Variants in PAQR3 observed in about 807,000 individuals in gnomAD.
The protein encoded by PAQR3 is Raf kinase trapping to Golgi.
PAQR3 carries 39 observed loss-of-function variants against 41.7 expected under a neutral mutation model. That is an observed-to-expected ratio of 0.93 (90% confidence interval 0.72 to 1.22). The LOEUF (loss-of-function observed/expected upper bound fraction) is 1.22. Among genes scored for constraint, PAQR3 ranks in the 50% most tolerant of loss-of-function variants. The pLI, the probability that PAQR3 is intolerant of heterozygous loss-of-function variation, is 0.00. For missense variants in PAQR3, 366 were observed against 385.6 expected (o/e 0.95, Z 0.42); for synonymous variants, 140 against 140.6 (o/e 1.00, Z 0.03).
At chr4:78,938,943 G>A in intron 1 of PAQR3, 97 bp downstream of exon 1, 1 of 1,214,172 alleles carries the variant, frequency 8.2e-7, no homozygotes, top group South Asian at 1.5e-5. Flanking sequence ...AGGAAATGAT[G>A]GGCAAGCAGA....
chr4:78,923,952 A>C lies in PAQR3; in HGVS notation c.703-5T>G, dbSNP rs1735929326. The C allele has an allele frequency of 6.2e-7, 1 of 1,604,276 alleles. No individual in the cohort carries two copies. The highest frequency in any genetic ancestry group is 1.3e-5 in the African/African-American group (1 of 74,680). On this transcript the variant is annotated splice_region_variant and splice_polypyrimidine_tract_variant and intron_variant, in intron 4 of 5. Coordinates refer to ENST00000512733, the MANE Select transcript of PAQR3 (RefSeq NM_001040202.2). ...AATTACACGGGGTGCAAAGTCCTGA[A>C]AAGCAGAACATGTTTTTTTACAGAT...
intron 4 of PAQR3, among the ~76,000 whole-genome samples, 189 bp from the exon 5 acceptor site, chr4:78,924,136 C>T (rs141818416): frequency 3.2e-4 from 48 of 152,204 alleles, no homozygotes; most frequent in Non-Finnish European, 6.0e-4. Context: ...AATGCTCTAA[C>T]GGTCAGGCTC....
Position 78,918,810 on chromosome 4 carries a change from A to G in PAQR3, c.*1729T>C, listed in dbSNP as rs575872598. 2.0e-6 allele frequency: 2 copies of G among 984,732 alleles called. No individual in the cohort carries two copies. The highest frequency in any genetic ancestry group is 2.4e-6 in the Non-Finnish European group (2 of 829,532). 61.0% of individuals were successfully genotyped at this position (984,732 alleles called of 1,614,324 possible). On this transcript the variant is annotated 3_prime_UTR_variant, in exon 6 of 6. Coordinates refer to ENST00000512733, the MANE Select transcript of PAQR3 (RefSeq NM_001040202.2). ...CTACTCAGTGTCTTTTGTTTGGCCA[A>G]AATGACAAAATATCTATTAAAAGGC...
chr4:78,928,722 G>T (rs988431292), intron 3 of PAQR3, among the ~76,000 whole-genome samples: 1 of 152,232 alleles, frequency 6.6e-6, no homozygotes, highest in South Asian at 2.1e-4. Flanking sequence ...ATGGTGCGGG[G>T]AGGCAGGCAG....
intron 5 of PAQR3, chr4:78,921,859 C>G: frequency 1.0e-6 from 1 of 985,044 alleles, no homozygotes; most frequent in Non-Finnish European, 1.2e-6. Flanking sequence ...CATATCTCCA[C>G]TGCTCTCATG....
chr4:78,912,609 T>A lies in PAQR3; in HGVS notation c.*7930A>T, dbSNP rs527333560. 6.6e-6 allele frequency: 1 copy of A among 152,356 alleles called. No homozygotes were observed. The highest frequency in any genetic ancestry group is 1.5e-5 in the Non-Finnish European group (1 of 68,058). 9.4% of individuals were successfully genotyped at this position (152,356 alleles called of 1,614,324 possible). A position where few individuals can be genotyped will look rare whatever the true frequency, so the allele number is the denominator to read the frequency against. ...TAACTGACTATTGTGCCTAAAACTC[T>A]GTTTCATTTTTAAAAACAAGTGCCA... On this transcript the variant is annotated 3_prime_UTR_variant, in exon 6 of 6. Coordinates refer to ENST00000512733, the MANE Select transcript of PAQR3 (RefSeq NM_001040202.2).
intron 11 of PAQR3, among the ~76,000 whole-genome samples, chr4:78,904,571 C>T (rs1263808346): frequency 2.0e-5 from 3 of 151,914 alleles, no homozygotes; most frequent in Non-Finnish European, 2.9e-5. Flanking sequence ...TTGTCTTAGT[C>T]ACTCACCTTA....
chr4:78,919,332 A>G lies in PAQR3; in HGVS notation c.*1207T>C, dbSNP rs1043724053. On this transcript the variant is annotated 3_prime_UTR_variant, in exon 6 of 6. Transcript: ENST00000512733. Reference sequence around the variant, plus strand: ...ACAATGTAAGTTTTTATGAATGTCTACTTTAAGGGATTTAACTAATGCATA... The same window carrying G: ...ACAATGTAAGTTTTTATGAATGTCTGCTTTAAGGGATTTAACTAATGCATA... 9.2e-6 allele frequency: 9 copies of G among 983,100 alleles called. No individual in the cohort carries two copies. In the Admixed American group the frequency reaches 2.5e-4, roughly 27 times the overall value. 60.9% of individuals were successfully genotyped at this position (983,100 alleles called of 1,614,324 possible).
chr4:78,910,077 A>G (rs1193214909), downstream of PAQR3, among the ~76,000 whole-genome samples: 1 of 152,232 alleles, frequency 6.6e-6, no homozygotes, highest in Non-Finnish European at 1.5e-5. Context: ...AGCTTTGGTG[A>G]GGCCATTCAT....
rs1209233230 is a variant in PAQR3, at chr4:78,939,166, C to T, written c.59G>A (p.Trp20Ter). ...HYIELGSYQY[W>*]PVLVPRGIRL... is the part of the protein sequence containing the mutation. The stretch of plus-strand genomic sequence containing the variant: ...GATGCCACGGGGCACCAGGACCGGC[C>T]AGTACTGGTAGCTGCCCAGCTCGAT... The change falls in exon 1 of 6, where the codon TGG (tryptophan) becomes TAG (stop). Residue 20 changes from tryptophan to a stop codon, truncating the protein, a stop_gained. Transcript: ENST00000512733. LOFTEE classifies it high-confidence loss of function. 1.9e-6 allele frequency: 3 copies of T among 1,613,260 alleles called. No homozygotes were observed. The highest frequency in any genetic ancestry group is 2.5e-6 in the Non-Finnish European group (3 of 1,179,716).
intron 11 of PAQR3, among the ~76,000 whole-genome samples, chr4:78,901,650 C>T (rs756422296): frequency 9.9e-5 from 15 of 152,104 alleles, no homozygotes; most frequent in Non-Finnish European, 2.2e-4. Flanking sequence ...CTTTCTTCTC[C>T]CCAGGGCACT....
chr4:78,927,664 T>A (rs1358324128), intron 3 of PAQR3, among the ~76,000 whole-genome samples: 1 of 152,222 alleles, frequency 6.6e-6, no homozygotes, highest in African/African-American at 2.4e-5. Flanking sequence ...CCAGTTTTGC[T>A]GTGTGTGTGA....
chr4:78,890,568 T>G (rs1001568837), intron 11 of PAQR3, among the ~76,000 whole-genome samples: 1 of 152,206 alleles, frequency 6.6e-6, no homozygotes, highest in Non-Finnish European at 1.5e-5. Context: ...CCTGTCTTTG[T>G]TTTTCCTGGA....
chr4:78,891,922 C>A (rs1298624150), intron 11 of PAQR3, among the ~76,000 whole-genome samples: 1 of 152,146 alleles, frequency 6.6e-6, no homozygotes, highest in Non-Finnish European at 1.5e-5. Flanking sequence ...AAGGATGAGA[C>A]TAGTGGGAAA....
rs72660921 is a variant in PAQR3 at position 78,921,569 on chromosome 4, A to T, written c.794-888T>A. ...TTTTTTAAAAAACAAAACACAGAGG[A>T]TTACAACAAATATTGATTATCTAAT... On this transcript the variant is annotated intron_variant, in intron 5 of 5. Coordinates refer to ENST00000512733, the MANE Select transcript of PAQR3 (RefSeq NM_001040202.2). The T allele has an allele frequency of 6.7e-6, 5 of 748,826 alleles. No homozygotes were observed. The African/African-American group carries it at 9.6e-5, about 14-fold the overall frequency. The allele number at this position is 748,826 out of a possible 1,614,324, so 46.4% of individuals were successfully genotyped here.
chr4:78,927,803 C>G (rs769738899), intron 3 of PAQR3, among the ~76,000 whole-genome samples: 4 of 152,226 alleles, frequency 2.6e-5, no homozygotes, highest in Admixed American at 6.5e-5. Context: ...GACAAGAGTT[C>G]TTAATCTGGG....
chr4:78,920,195 T>C lies in PAQR3; in HGVS notation c.*344A>G, dbSNP rs969181560. 1.9e-5 allele frequency: 19 copies of C among 1,006,410 alleles called. No homozygotes were observed. Among genetic ancestry groups the C allele is most frequent in the Non-Finnish European group, 2.3e-5 (19 of 843,594 alleles). The allele number at this position is 1,006,410 out of a possible 1,614,324, so 62.3% of individuals were successfully genotyped here. ...ATTAAGCACATAAGATGACTCCATT[T>C]TCTAATGGACATGAGCCCTTCCTAA... is the stretch of plus-strand genomic sequence containing the variant. On this transcript the variant is annotated 3_prime_UTR_variant, in exon 6 of 6. Coordinates refer to ENST00000512733, the MANE Select transcript of PAQR3 (RefSeq NM_001040202.2).
At chr4:78,890,734 A>G (rs1163574637) in intron 11 of PAQR3, among the ~76,000 whole-genome samples, 4 of 152,196 alleles carry the variant, frequency 2.6e-5, no homozygotes, top group African/African-American at 7.2e-5. Context: ...GAGCTCTGCA[A>G]TCAGAACTGG....
Position 78,918,796 on chromosome 4 carries a change from CT to C in PAQR3, c.*1742del. 1.0e-6 allele frequency: 1 copy of C among 984,646 alleles called. No homozygotes were observed. Among genetic ancestry groups the C allele is most frequent in the Non-Finnish European group, 1.2e-6 (1 of 829,406 alleles). The allele number at this position is 984,646 out of a possible 1,614,324, so 61.0% of individuals were successfully genotyped here. On this transcript the variant is annotated 3_prime_UTR_variant, in exon 6 of 6. Coordinates refer to ENST00000512733, the MANE Select transcript of PAQR3 (RefSeq NM_001040202.2). ...TAACTTAAGTGTAACTACTCAGTGT[CT>C]TTTGTTTGGCCAAAATGACAAAATA...
Sources: gnomAD v4.1 joint callset for allele counts (sites outside exome capture counted in the v4.1 genomes callset) on GRCh38, gnomAD v4.1.1 for gene constraint, MANE v1.5 for transcripts, NCBI Gene and HGNC (gene_info 2026-07-23, HGNC 2026-07-21) for gene names.